The following ADK variants were observed in gnomAD, a reference collection of about 807,000 sequenced individuals.
The protein encoded by ADK is N6,N6-dimethyladenosine kinase.
A neutral mutation model predicts 44.7 loss-of-function variants in ADK; 24 were observed. The observed-to-expected ratio is 0.54, with a 90% confidence interval of 0.39 to 0.76. The LOEUF (loss-of-function observed/expected upper bound fraction) is 0.76. Among genes scored for constraint, ADK ranks in the 30% least tolerant of loss-of-function variants. The pLI is 0.00. For synonymous variants in ADK, 128 were observed against 142.6 expected, an observed-to-expected ratio of 0.90 and a Z score of 0.73; for missense variants, 321 against 425.1, an observed-to-expected ratio of 0.76 and a Z score of 2.15.
At chr10:74,672,296 G>GT (rs112077531) in intron 10 of ADK, among the ~76,000 whole-genome samples, 40 of 151,724 alleles carry the variant, frequency 2.6e-4, no homozygotes, top group African/African-American at 9.7e-4. Context: ...CTTGTGTTTT[G>GT]TTTTTTTACA....
intron 1 of ADK, among the ~76,000 whole-genome samples, chr10:74,160,871 C>T (rs1334917879): frequency 1.3e-5 from 2 of 152,088 alleles, no homozygotes; most frequent in Non-Finnish European, 2.9e-5. Flanking sequence ...GTCATTCCCT[C>T]AGCAAGAGAA....
At chr10:74,478,824 C>A (rs1005695150) in intron 6 of ADK, among the ~76,000 whole-genome samples, 2 of 152,126 alleles carry the variant, frequency 1.3e-5, no homozygotes, top group African/African-American at 2.4e-5. Flanking sequence ...CATTCTCCAT[C>A]CTTATAAGTA....
At chr10:74,527,317 C>T (rs1849086174) in intron 7 of ADK, among the ~76,000 whole-genome samples, 1 of 151,660 alleles carries the variant, frequency 6.6e-6, no homozygotes, top group South Asian at 2.1e-4. Flanking sequence ...GCCGAGATCG[C>T]GCCACTGCAC....
intron 7 of ADK, among the ~76,000 whole-genome samples, chr10:74,533,846 T>C (rs1849369930): frequency 6.6e-6 from 1 of 152,180 alleles, no homozygotes; most frequent in Non-Finnish European, 1.5e-5. Flanking sequence ...GCAGCTTTAT[T>C]TGTAATGGCC....
At chr10:74,205,870 C>T (rs1376685451) in intron 2 of ADK, among the ~76,000 whole-genome samples, 4 of 151,964 alleles carry the variant, frequency 2.6e-5, no homozygotes, top group African/African-American at 7.3e-5. Flanking sequence ...ACTTTCTTAA[C>T]CCTATAAAGG....
At chr10:74,642,188 A>G (rs1277615869) in intron 9 of ADK, among the ~76,000 whole-genome samples, 1 of 152,168 alleles carries the variant, frequency 6.6e-6, no homozygotes, top group Non-Finnish European at 1.5e-5. Context: ...TTTGGAATAT[A>G]TAGTTATTCT....
chr10:74,685,423 C>G (rs1432797861), intron 10 of ADK, among the ~76,000 whole-genome samples: 1 of 152,182 alleles, frequency 6.6e-6, no homozygotes, highest in Non-Finnish European at 1.5e-5. Context: ...GTTGGGTTTT[C>G]TTTGTCTTTG....
intron 9 of ADK, among the ~76,000 whole-genome samples, chr10:74,619,269 A>G (rs1852891238): frequency 6.6e-6 from 1 of 152,220 alleles, no homozygotes; most frequent in Non-Finnish European, 1.5e-5. Flanking sequence ...AGCCTGGCCA[A>G]CATGGTGAAA....
rs547472062 is a variant in ADK at position 74,587,447 on chromosome 10, A to G, written c.727-1835A>G. On this transcript the variant is annotated intron_variant, in intron 7 of 10. Transcript: ENST00000539909. ...TTGACTTCAGTGTTTAGCTGTAATC[A>G]TACATTTTGACCTTTCTAAATCCTC... Among the ~76,000 whole-genome samples, 29 of 152,356 alleles carry G rather than the reference A, an allele frequency of 1.9e-4. 1 individual carries two copies. The highest frequency in any genetic ancestry group is 7.0e-4 in the African/African-American group (29 of 41,582).
At chr10:74,497,101 C>T (rs541839195) in intron 6 of ADK, among the ~76,000 whole-genome samples, 35 of 152,198 alleles carry the variant, frequency 2.3e-4, no homozygotes, top group South Asian at 8.3e-4. Flanking sequence ...GGACTACGGG[C>T]GCCACCTTGC....
chr10:74,589,349 ATCCTAAAGG>A, intron 8 of ADK, 32 bp downstream of exon 8: 1 of 1,610,898 alleles, frequency 6.2e-7, no homozygotes, highest in South Asian at 1.1e-5. Context: ...CACTAAACAG[ATCCTAAAGG>A]TTTTTTCTAG....
chr10:74,493,298 C>A (rs182176609), intron 6 of ADK, among the ~76,000 whole-genome samples: 5 of 152,044 alleles, frequency 3.3e-5, no homozygotes, highest in Admixed American at 1.3e-4. Context: ...CCTCCCACCT[C>A]AGGCCTCCCT....
intron 9 of ADK, among the ~76,000 whole-genome samples, chr10:74,663,307 G>A (rs1373374645): frequency 1.3e-5 from 2 of 150,390 alleles, no homozygotes; most frequent in African/African-American, 4.9e-5. Context: ...TGTTACTTGT[G>A]TATTGTCTAT....
At chr10:74,195,707 C>CTTTTTTTTT (rs71475265) in intron 1 of ADK, among the ~76,000 whole-genome samples, 71 of 97,500 alleles carry the variant, frequency 7.3e-4, no homozygotes, top group Non-Finnish European at 9.0e-4. Context: ...TCTTTTCTTT[C>CTTTTTTTTT]TTTTTTTTTT....
At chr10:74,631,801 A>G (rs1439005909) in intron 9 of ADK, among the ~76,000 whole-genome samples, 1 of 152,200 alleles carries the variant, frequency 6.6e-6, no homozygotes, top group Non-Finnish European at 1.5e-5. Context: ...GTCAAGAACT[A>G]TTCACAAAGA....
intron 6 of ADK, among the ~76,000 whole-genome samples, chr10:74,454,444 T>G (rs557935488): frequency 6.6e-4 from 100 of 152,294 alleles, no homozygotes; most frequent in Non-Finnish European, 1.2e-3. Flanking sequence ...AATGTAACTT[T>G]ATGCCATACT....
chr10:74,612,704 G>A (rs146508049), intron 9 of ADK, among the ~76,000 whole-genome samples: 2 of 152,008 alleles, frequency 1.3e-5, no homozygotes, highest in African/African-American at 4.8e-5. Context: ...TCTTTGCCTA[G>A]GCCTATGTGC....
intron 6 of ADK, among the ~76,000 whole-genome samples, chr10:74,484,186 A>G (rs534620818): frequency 6.6e-6 from 1 of 152,264 alleles, no homozygotes; most frequent in Admixed American, 6.5e-5. Flanking sequence ...ATGGCTTGGG[A>G]GGCCTCAGGA....
At chr10:74,685,796 G>C (rs1855764584) in intron 10 of ADK, among the ~76,000 whole-genome samples, 1 of 152,118 alleles carries the variant, frequency 6.6e-6, no homozygotes, top group Admixed American at 6.6e-5. Flanking sequence ...GTATATAGTA[G>C]GGTAGCCATA....
Sources: allele counts gnomAD v4.1 joint callset (sites outside exome capture counted in the v4.1 genomes callset), GRCh38; gene constraint gnomAD v4.1.1; transcripts MANE v1.5; gene names NCBI Gene and HGNC (gene_info 2026-07-23, HGNC 2026-07-21).